The following MYO7A variants were observed in gnomAD, a reference collection of about 807,000 sequenced individuals.
The protein encoded by MYO7A is unconventional myosin-VIIa.
MYO7A carries 210 observed loss-of-function variants against 263.8 expected under a neutral mutation model. The ratio of observed to expected loss-of-function variants is 0.80; its 90% CI spans 0.71 to 0.89. The LOEUF (loss-of-function observed/expected upper bound fraction) is 0.89, where lower values mean the gene tolerates loss of function less well. Among genes scored for constraint, MYO7A ranks in the 40% least tolerant of loss-of-function variants. The pLI is 0.00. For synonymous variants in MYO7A, 1,239 were observed against 1,197.3 expected (o/e 1.03, Z -0.72); for missense variants, 2,820 against 2,968.3 (o/e 0.95, Z 1.16).
intron 35 of MYO7A, among the ~76,000 whole-genome samples, chr11:77,200,934 G>A (rs948194251): frequency 2.0e-5 from 3 of 152,150 alleles, no homozygotes; most frequent in Non-Finnish European, 1.5e-5. Context: ...GTCCTCAGTG[G>A]GGAGGGGGGT....
At chr11:77,187,339 A>G (rs1465166122) in intron 27 of MYO7A, among the ~76,000 whole-genome samples, 3 of 152,220 alleles carry the variant, frequency 2.0e-5, no homozygotes, top group Non-Finnish European at 2.9e-5. Flanking sequence ...AAAGTGTAAT[A>G]AAGTGAAGTA....
rs1219486770 is a variant in MYO7A at position 77,174,021 on chromosome 11, C to T, written c.1936-735C>T. Among the ~76,000 whole-genome samples the T allele has an allele frequency of 2.6e-5, 4 of 152,150 alleles. No individual in the cohort carries two copies. The South Asian group carries it at 8.3e-4, about 32-fold the overall frequency. Reference sequence around the variant, plus strand: ...CAAGGGTCTCCTGCCTCCCTTGCCTCCTGTCCTGCCTCCCCTGGCCCCCAG... The same window carrying T: ...CAAGGGTCTCCTGCCTCCCTTGCCTTCTGTCCTGCCTCCCCTGGCCCCCAG... On this transcript the variant is annotated intron_variant, in intron 16 of 48. Coordinates refer to ENST00000409709, the MANE Select transcript of MYO7A (RefSeq NM_000260.4).
chr11:77,152,104 G>A lies in MYO7A; in HGVS notation c.286-3803G>A, dbSNP rs377478324. 4.1e-4 allele frequency among the ~76,000 whole-genome samples: 62 copies of A among 152,342 alleles called. No individual in the cohort carries two copies. In the East Asian group the frequency reaches 4.6e-3, roughly 11 times the overall value. On this transcript the variant is annotated intron_variant, in intron 4 of 48. Coordinates refer to ENST00000409709, the MANE Select transcript of MYO7A (RefSeq NM_000260.4). Reference sequence around the variant, plus strand: ...AGCTGCAAAGTCCTGAGCCCAACAGGGCTTGCTCTTGCCCTCTTACTGGAG... The same window carrying A: ...AGCTGCAAAGTCCTGAGCCCAACAGAGCTTGCTCTTGCCCTCTTACTGGAG...
Position 77,158,404 on chromosome 11 carries a change from T to A in MYO7A, c.977T>A (p.Leu326Gln), listed in dbSNP as rs797044491. The A allele has an allele frequency of 4.3e-6, 7 of 1,612,254 alleles. No individual in the cohort carries two copies. The South Asian group carries it at 7.7e-5, about 18-fold the overall frequency. ...ATCTCGAAGCTCCTGGCTGCCATCC[T>A]GCACCTGGGCAACCTGCAGTATGAG... ...WEISKLLAAI[L>Q]HLGNLQYEAR... Residue 326 changes from leucine (L) to glutamine (Q), a missense_variant, in exon 9 of 49, where the codon CTG becomes CAG. Transcript: ENST00000409709.
intron 46 of MYO7A, chr11:77,212,211 G>A (rs1957936916): frequency 1.7e-6 from 1 of 574,782 alleles, no homozygotes; most frequent in South Asian, 1.5e-5. Flanking sequence ...TGACACTGGG[G>A]AGCCCTCGCC....
chr11:77,206,195 C>T lies in MYO7A; in HGVS notation c.5735C>T (p.Thr1912Ile), dbSNP rs761697615. 6.2e-7 allele frequency: 1 copy of T among 1,611,372 alleles called. No homozygotes were observed. The highest frequency in any genetic ancestry group is 1.3e-5 in the African/African-American group (1 of 74,972). Reference sequence around the variant, plus strand: ...CACAAAGTCTACTTCCCTGATGACACTGACGAGGTGAGGGTCACCGGCTTC... The same window carrying T: ...CACAAAGTCTACTTCCCTGATGACATTGACGAGGTGAGGGTCACCGGCTTC... Reference protein sequence around the residue: ...IFHKVYFPDDTDEAFEVESST... With the variant: ...IFHKVYFPDDIDEAFEVESST... The change falls in exon 41 of 49, where the codon ACT becomes ATT. Residue 1912 changes from threonine (T) to isoleucine (I), a missense_variant. Coordinates refer to ENST00000409709, the MANE Select transcript of MYO7A (RefSeq NM_000260.4).
In MYO7A at chr11:77,181,527, G is replaced by A. The variant is rs781937064; in HGVS notation, c.2842G>A (p.Gly948Ser). ...CTCAGACATGGTGGACAAGATGTTT[G>A]GCTTCCTGGGGACTTCAGGTGGCCT... ...NHSDMVDKMF[G>S]FLGTSGGLPG... The change falls in exon 23 of 49, where the codon GGC (glycine) becomes AGC (serine). Residue 948 changes from glycine (G) to serine (S), a missense_variant. Physicochemically the swap from Gly to Ser is moderately conservative, Grantham distance 56. Transcript: ENST00000409709. The A allele has an allele frequency of 2.5e-5, 40 of 1,613,430 alleles. No homozygotes were observed. The highest frequency in any genetic ancestry group is 1.7e-6 in the Non-Finnish European group (2 of 1,179,890).
chr11:77,142,449 G>GTATCATTAAAAAAAAAAAA, intron 2 of MYO7A: 1 of 530,598 alleles, frequency 1.9e-6, no homozygotes, highest in African/African-American at 1.9e-5. Flanking sequence ...AGAGGCCTTG[G>GTATCATTAAAAAAAAAAAA]CTCTCTCTGA....
chr11:77,163,107 T>TAC, intron 14 of MYO7A, 119 bp downstream of exon 14: 1 of 1,033,970 alleles, frequency 9.7e-7, no homozygotes, highest in Non-Finnish European at 1.4e-6. Flanking sequence ...ATTATTCATA[T>TAC]ATATATATAT....
rs397516288 is a variant in MYO7A, at chr11:77,172,771, G to A, written c.1821G>A (p.Ser607=). ...AGGGCGCCGAGACCAGGAAGCGCTC[G>A]CCCACACTTAGCAGCCAGTTCAAGC... ...VAMGAETRKR[S]PTLSSQFKRS... The change falls in exon 16 of 49, where the codon TCG becomes TCA. Residue 607 remains serine (S), a synonymous_variant. Transcript: ENST00000409709. 94 of 1,559,120 alleles carry A rather than the reference G, an allele frequency of 6.0e-5. No homozygotes were observed. Among genetic ancestry groups the A allele is most frequent in the African/African-American group, 1.5e-4 (11 of 73,436 alleles).
At chr11:77,171,986 C>T (rs574283091) in intron 15 of MYO7A, among the ~76,000 whole-genome samples, 18 of 152,288 alleles carry the variant, frequency 1.2e-4, no homozygotes, top group South Asian at 6.2e-4. Context: ...AGCCACAGTG[C>T]GGGGGGTTAG....
At chr11:77,175,291 C>A (rs1954534772) in intron 17 of MYO7A, 81 bp from the exon 18 acceptor site, 8 of 1,299,470 alleles carry the variant, frequency 6.2e-6, no homozygotes, top group Non-Finnish European at 8.8e-6. Context: ...AAGAGCCCTG[C>A]CTCTCAGCCT....
chr11:77,173,036 CTATT>C, intron 16 of MYO7A, among the ~76,000 whole-genome samples, 151 bp downstream of exon 16: 1 of 152,302 alleles, frequency 6.6e-6, no homozygotes, highest in South Asian at 2.1e-4. Context: ...ACAAGGCCCC[CTATT>C]TATTGGAGGC....
chr11:77,149,707 A>G (rs7131484), intron 4 of MYO7A, among the ~76,000 whole-genome samples: 74,992 of 151,980 alleles, frequency 0.49, 20,411 homozygotes, highest in African/African-American at 0.73. Context: ...GAGGCTGTGT[A>G]TGGCTCCTTG....
At chr11:77,207,974 G>A (rs1046137162) in intron 42 of MYO7A, among the ~76,000 whole-genome samples, 5 of 152,186 alleles carry the variant, frequency 3.3e-5, no homozygotes, top group Admixed American at 2.0e-4. Context: ...CGAGTTGGGT[G>A]CCCCATCCTG....
In MYO7A at chr11:77,199,817, C is replaced by T. The variant is rs372535399; in HGVS notation, c.4851C>T (p.Pro1617=). The T allele has an allele frequency of 1.8e-5, 28 of 1,582,286 alleles. No homozygotes were observed. The highest frequency in any genetic ancestry group is 3.4e-5 in the South Asian group (3 of 87,776). Residue 1617 remains proline (P), a splice_region_variant and synonymous_variant, in exon 35 of 49, where the codon CCC becomes CCT. Coordinates refer to ENST00000409709, the MANE Select transcript of MYO7A (RefSeq NM_000260.4). ...YVVALQDNPN[P]AGEESGFLSF... ...TGGCCCTGCAGGATAACCCCAACCC[C>T]GGTGAGTGGCTGCTGGTATGGACTG...
At chr11:77,192,861 AATGATG>A (rs1956203296) in intron 31 of MYO7A, among the ~76,000 whole-genome samples, 1 of 146,850 alleles carries the variant, frequency 6.8e-6, no homozygotes, top group African/African-American at 2.5e-5. Context: ...TGGTGTTGGT[AATGATG>A]ATGGTGGTGA....
At chr11:77,190,922 C>T in intron 30 of MYO7A, 52 bp downstream of exon 30, 1 of 1,489,062 alleles carries the variant, frequency 6.7e-7, no homozygotes, top group Middle Eastern at 1.8e-4. Context: ...CCCGGCCCCA[C>T]TCCGGGCTGC....
Position 77,190,861 on chromosome 11 carries a change from G to T in MYO7A, c.3915G>T (p.Leu1305=). The T allele has an allele frequency of 6.4e-7, 1 of 1,567,970 alleles. No homozygotes were observed. The highest frequency in any genetic ancestry group is 8.7e-7 in the Non-Finnish European group (1 of 1,153,754). The change falls in exon 30 of 49, where the codon CTG becomes CTT. Residue 1305 remains leucine (L), a synonymous_variant. Coordinates refer to ENST00000409709, the MANE Select transcript of MYO7A (RefSeq NM_000260.4). ...TCGGGTTCTCCCTCTACATTGCCCT[G>T]TTTGACAAGGTATGGCCGCCCGGAA... The part of the protein sequence containing the change: ...DRFGFSLYIA[L]FDKVSSLGSG...
Sources: gnomAD v4.1 joint callset for allele counts (sites outside exome capture counted in the v4.1 genomes callset) on GRCh38, gnomAD v4.1.1 for gene constraint, MANE v1.5 for transcripts, NCBI Gene and HGNC (gene_info 2026-07-23, HGNC 2026-07-21) for gene names.